JMY: variants seen among roughly 807,000 people sequenced by gnomAD.
JMY encodes the protein junction-mediating and -regulatory protein.
JMY carries 46 observed loss-of-function variants against 103.3 expected under a neutral mutation model. The ratio of observed to expected loss-of-function variants is 0.45; its 90% CI spans 0.35 to 0.57. The LOEUF (loss-of-function observed/expected upper bound fraction) is 0.57, where lower values mean the gene tolerates loss of function less well. JMY is among the 20% of genes least tolerant of loss of function. The pLI is 0.00. For synonymous variants in JMY, 526 were observed against 489.3 expected (o/e 1.07, Z -0.99); for missense variants, 1,238 against 1,255.2 (o/e 0.99, Z 0.21).
At chr5:79,315,969 CTG>C (rs1051151538) in intron 9 of JMY, 29 bp from the exon 10 acceptor site, 3 of 1,594,832 alleles carry the variant, frequency 1.9e-6, no homozygotes, top group East Asian at 2.2e-5. Flanking sequence ...GCAGTCCTAA[CTG>C]TAATACTGTT....
intron 2 of JMY, chr5:79,284,760 T>G: frequency 6.3e-7 from 1 of 1,582,518 alleles, no homozygotes; most frequent in African/African-American, 1.3e-5. Context: ...TTTTGGTTCC[T>G]TGGGTCCTGG....
chr5:79,280,990 A>G (rs573847123), intron 2 of JMY, among the ~76,000 whole-genome samples: 2 of 151,088 alleles, frequency 1.3e-5, no homozygotes, highest in Non-Finnish European at 2.9e-5. Context: ...TTTAAGTATT[A>G]CTAAGATGTA....
At chr5:79,239,377 A>G (rs1351175828) in intron 1 of JMY, among the ~76,000 whole-genome samples, 2 of 152,168 alleles carry the variant, frequency 1.3e-5, no homozygotes. Flanking sequence ...ATTGACCTGT[A>G]TTTCTCTTAA....
intron 7 of JMY, among the ~76,000 whole-genome samples, chr5:79,312,171 A>C (rs891718782): frequency 1.3e-5 from 2 of 152,194 alleles, no homozygotes; most frequent in African/African-American, 4.8e-5. Context: ...ATAATATAGC[A>C]GCTAGAAGTA....
intron 4 of JMY, among the ~76,000 whole-genome samples, chr5:79,297,793 G>A (rs530391896): frequency 3.9e-5 from 6 of 152,194 alleles, no homozygotes; most frequent in African/African-American, 1.4e-4. Flanking sequence ...GTTATCTTTA[G>A]ACCACAGCCC....
intron 2 of JMY, among the ~76,000 whole-genome samples, chr5:79,280,973 T>A (rs1401161353): frequency 2.6e-5 from 4 of 151,000 alleles, no homozygotes; most frequent in Non-Finnish European, 4.4e-5. Flanking sequence ...ATTAGCAAAG[T>A]AGTTGTTTTA....
At chr5:79,259,725 G>A (rs956564486) in intron 1 of JMY, among the ~76,000 whole-genome samples, 11 of 152,224 alleles carry the variant, frequency 7.2e-5, no homozygotes, top group African/African-American at 2.4e-4. Context: ...ACAGACCTAG[G>A]GTTGGCCTCA....
chr5:79,305,101 T>C (rs1303432060), intron 6 of JMY, among the ~76,000 whole-genome samples: 10 of 152,230 alleles, frequency 6.6e-5, no homozygotes. Flanking sequence ...CATTTTGCTT[T>C]AAAATAACAG....
chr5:79,319,971 C>G (rs1356973351), intron 10 of JMY, among the ~76,000 whole-genome samples: 1 of 152,134 alleles, frequency 6.6e-6, no homozygotes, highest in African/African-American at 2.4e-5. Context: ...AATGAAGGTC[C>G]CTTGTTCTGC....
chr5:79,324,335 C>A lies in JMY; in HGVS notation c.*2733C>A, dbSNP rs1747561252. On this transcript the variant is annotated 3_prime_UTR_variant, in exon 11 of 11. Transcript: ENST00000396137. The stretch of plus-strand genomic sequence containing the variant: ...GCTCACATTTCCAGTTCCAAACTCG[C>A]CCGTACTTTTTATGTGCTTCAAAAT... The A allele has an allele frequency of 6.6e-6, 1 of 152,138 alleles. No homozygotes were observed. The highest frequency in any genetic ancestry group is 2.4e-5 in the African/African-American group (1 of 41,432). 9.4% of individuals were successfully genotyped at this position (152,138 alleles called of 1,614,324 possible). A position where few individuals can be genotyped will look rare whatever the true frequency, so the allele number is the denominator to read the frequency against.
intron 1 of JMY, among the ~76,000 whole-genome samples, chr5:79,246,864 A>G (rs1018381222): frequency 1.3e-5 from 2 of 152,046 alleles, no homozygotes; most frequent in African/African-American, 4.8e-5. Context: ...CCTGGGCGAC[A>G]GAGCAAGACA....
intron 1 of JMY, among the ~76,000 whole-genome samples, chr5:79,275,093 G>C (rs1745898964): frequency 6.6e-6 from 1 of 150,736 alleles, no homozygotes; most frequent in Admixed American, 6.6e-5. Flanking sequence ...TGCTGTGGTT[G>C]TCCTGAACTC....
At chr5:79,241,578 G>A (rs1744743299) in intron 1 of JMY, among the ~76,000 whole-genome samples, 1 of 152,156 alleles carries the variant, frequency 6.6e-6, no homozygotes, top group Non-Finnish European at 1.5e-5. Flanking sequence ...GGCTATGGAT[G>A]GATTTTAATG....
chr5:79,244,148 G>C (rs891687555), intron 1 of JMY, among the ~76,000 whole-genome samples: 2 of 151,810 alleles, frequency 1.3e-5, no homozygotes, highest in Non-Finnish European at 2.9e-5. Context: ...TTACAAGCAT[G>C]TGCCACCACA....
At chr5:79,314,926 G>A in intron 9 of JMY, 75 bp downstream of exon 9, 3 of 1,359,526 alleles carry the variant, frequency 2.2e-6, no homozygotes, top group Admixed American at 2.6e-5. Flanking sequence ...TTTTGACGTT[G>A]CAAAGCTTAA....
chr5:79,309,755 T>G (rs1348776221), intron 7 of JMY, among the ~76,000 whole-genome samples: 6 of 152,198 alleles, frequency 3.9e-5, no homozygotes, highest in Non-Finnish European at 8.8e-5. Context: ...ATAGATTAAT[T>G]AATGTACTTT....
At chr5:79,241,003 T>G (rs1187209688) in intron 1 of JMY, among the ~76,000 whole-genome samples, 1 of 152,368 alleles carries the variant, frequency 6.6e-6, no homozygotes, top group East Asian at 1.9e-4. Flanking sequence ...GTTAGAATGC[T>G]TAGTCCTTTG....
At chr5:79,315,931 A>C in intron 9 of JMY, 69 bp from the exon 10 acceptor site, 1 of 1,346,434 alleles carries the variant, frequency 7.4e-7, no homozygotes, top group Non-Finnish European at 1.0e-6. Context: ...CGAACGGTAG[A>C]GGTTATACAG....
intron 2 of JMY, among the ~76,000 whole-genome samples, chr5:79,282,116 A>T (rs994082052): frequency 2.0e-5 from 3 of 152,156 alleles, no homozygotes; most frequent in Admixed American, 2.0e-4. Context: ...CTGAGGTGGG[A>T]GAATGACATG....
Sources: gnomAD v4.1 joint callset for allele counts (sites outside exome capture counted in the v4.1 genomes callset) on GRCh38, gnomAD v4.1.1 for gene constraint, MANE v1.5 for transcripts, NCBI Gene and HGNC (gene_info 2026-07-23, HGNC 2026-07-21) for gene names.